The following CEP128 variants were observed in gnomAD, a reference collection of about 807,000 sequenced individuals.
CEP128 encodes centrosomal protein 128.
A neutral mutation model predicts 156.7 loss-of-function variants in CEP128; 132 were observed. The observed-to-expected ratio is 0.84, with a 90% CI of 0.73 to 0.97. The LOEUF is 0.97. Ranked by LOEUF, CEP128 falls within the 50% of genes least tolerant of loss-of-function variation. The pLI is 0.00. For missense variants in CEP128, 1,252 were observed against 1,281.9 expected, an observed-to-expected ratio of 0.98 and a Z score of 0.36; for synonymous variants, 469 against 448.9, an observed-to-expected ratio of 1.04 and a Z score of -0.57.
rs1215123329 is a variant in CEP128, at chr14:80,916,579, G to A, written c.-15-17C>T. The A allele has an allele frequency of 1.5e-5, 24 of 1,570,962 alleles. No homozygotes were observed. The highest frequency in any genetic ancestry group is 4.6e-5 in the East Asian group (2 of 43,638). ...ACACAAATCCTTTTAAATAAATATA[G>A]GTCAAAGTTAATGAAACAGTAAAAA... On this transcript the variant is annotated splice_polypyrimidine_tract_variant and intron_variant, in intron 2 of 24. Transcript: ENST00000555265.
intron 18 of CEP128, among the ~76,000 whole-genome samples, chr14:80,750,593 A>G (rs1899341222): frequency 6.6e-6 from 1 of 152,164 alleles, no homozygotes; most frequent in Non-Finnish European, 1.5e-5. Context: ...TTAAAAAATC[A>G]CTTCACGTTG....
chr14:80,546,678 A>G lies in CEP128; in HGVS notation c.2880+12601T>C, dbSNP rs142016616. On this transcript the variant is annotated intron_variant, in intron 21 of 24. Transcript: ENST00000555265. ...GTTAATGCCTGATAGCAATCAACCA[A>G]CCATGTCAAGGCCTCTGCTGTGATA... 6.4e-4 allele frequency among the ~76,000 whole-genome samples: 98 copies of G among 152,326 alleles called. 2 individuals are homozygous for G. In the East Asian group the frequency reaches 0.017, roughly 26 times the overall value.
downstream of CEP128, among the ~76,000 whole-genome samples, chr14:80,489,170 A>G (rs373396529): frequency 6.6e-6 from 1 of 151,830 alleles, no homozygotes; most frequent in East Asian, 1.9e-4. Flanking sequence ...TGCAAATAAA[A>G]CACCAAGCAA....
chr14:80,752,442 A>T (rs985645457), intron 18 of CEP128, among the ~76,000 whole-genome samples: 5 of 152,248 alleles, frequency 3.3e-5, no homozygotes, highest in African/African-American at 1.2e-4. Flanking sequence ...ACAGCAATAC[A>T]TATACTTTTG....
chr14:80,934,678 T>C (rs555703391), intron 2 of CEP128, among the ~76,000 whole-genome samples: 6 of 152,276 alleles, frequency 3.9e-5, no homozygotes, highest in African/African-American at 1.4e-4. Context: ...GTCCCTTTTT[T>C]GCAAATGAAG....
chr14:80,559,091 AT>A (rs923087799), intron 21 of CEP128, among the ~76,000 whole-genome samples, 187 bp downstream of exon 21: 5 of 151,980 alleles, frequency 3.3e-5, no homozygotes, highest in African/African-American at 9.7e-5. Flanking sequence ...TTTTTATTTA[AT>A]TTTTTTTCAT....
rs779984422 is a variant in CEP128 at position 80,880,908 on chromosome 14, A to AATAATTATTATT, written c.645+14809_645+14810insAATAATAATTAT. On this transcript the variant is annotated intron_variant, in intron 8 of 24. Coordinates refer to ENST00000555265, the MANE Select transcript of CEP128 (RefSeq NM_152446.5). ...TAATAATAATAATAATAATAATAAT[A>AATAATTATTATT]ATTTCAGTAAAGGATACAAAATCAA... 6.0e-5 allele frequency among the ~76,000 whole-genome samples: 8 copies of AATAATTATTATT among 133,650 alleles called. No homozygotes were observed. In the East Asian group the frequency reaches 1.2e-3, roughly 21 times the overall value. The allele number at this position is 133,650 out of a possible 152,430, so 87.7% of individuals were successfully genotyped here. A position where few individuals can be genotyped will look rare whatever the true frequency, so the allele number is the denominator to read the frequency against.
At position 80,836,219 on chromosome 14, in the gene CEP128, C is replaced by T; in HGVS notation, c.1043G>A (p.Trp348Ter). ...TCTACTTTTACCTCTCCTAAATCTC[C>T]AGTCCTCCCCTTGTTCATCCTGATA... ...SNYQDEQGED[W>*]RFRRGVEREK... The change falls in exon 12 of 25, where the codon TGG becomes TAG. Residue 348 changes from tryptophan (W) to a stop codon, truncating the protein, a stop_gained. Transcript: ENST00000555265. LOFTEE classifies it high-confidence loss of function. 6.2e-7 allele frequency: 1 copy of T among 1,613,942 alleles called. No individual in the cohort carries two copies. Among genetic ancestry groups the T allele is most frequent in the Non-Finnish European group, 8.5e-7 (1 of 1,179,882 alleles).
intron 21 of CEP128, among the ~76,000 whole-genome samples, chr14:80,557,779 A>G (rs938944845): frequency 1.3e-5 from 2 of 152,150 alleles, no homozygotes; most frequent in Non-Finnish European, 1.5e-5. Context: ...ATACTCACAA[A>G]TAAACATTTC....
chr14:80,705,436 T>C (rs185061519), intron 19 of CEP128, among the ~76,000 whole-genome samples: 14 of 152,194 alleles, frequency 9.2e-5, no homozygotes, highest in Admixed American at 4.6e-4. Context: ...TTTGTGTGTA[T>C]AGGTGAGAGA....
At chr14:80,742,832 T>C (rs1898901049) in intron 19 of CEP128, 7 of 464,722 alleles carry the variant, frequency 1.5e-5, no homozygotes, top group Non-Finnish European at 2.7e-5. Flanking sequence ...GTATGTCTTA[T>C]CAATTAATTC....
intron 19 of CEP128, among the ~76,000 whole-genome samples, chr14:80,692,339 T>C (rs1896747496): frequency 6.6e-6 from 1 of 152,216 alleles, no homozygotes; most frequent in Non-Finnish European, 1.5e-5. Context: ...GTCATCTCTA[T>C]ATTAGCTTAC....
At chr14:80,509,688 A>AT (rs1888153069) in intron 23 of CEP128, among the ~76,000 whole-genome samples, 2 of 152,274 alleles carry the variant, frequency 1.3e-5, no homozygotes, top group South Asian at 4.1e-4. Flanking sequence ...CTTCTGGGGT[A>AT]TTCCTCAAAG....
intron 2 of CEP128, among the ~76,000 whole-genome samples, chr14:80,947,180 T>C (rs776005037): frequency 6.6e-6 from 1 of 152,214 alleles, no homozygotes; most frequent in Non-Finnish European, 1.5e-5. Flanking sequence ...AATGGACTAA[T>C]ACAACAGCAC....
chr14:80,751,145 A>C (rs1899369319), intron 18 of CEP128, among the ~76,000 whole-genome samples: 1 of 152,204 alleles, frequency 6.6e-6, no homozygotes, highest in Non-Finnish European at 1.5e-5. Flanking sequence ...ATTACTGTTC[A>C]AGTCATTCAT....
intron 5 of CEP128, 192 bp downstream of exon 5, chr14:80,905,763 A>G: frequency 1.9e-6 from 1 of 514,832 alleles, no homozygotes. Context: ...GAGAAAAAAA[A>G]AAAAACAATA....
At chr14:80,613,686 C>T (rs8014976) in intron 19 of CEP128, among the ~76,000 whole-genome samples, 11,805 of 151,912 alleles carry the variant, frequency 0.078, 548 homozygotes, top group African/African-American at 0.12. Context: ...TGGCCTTTTC[C>T]CCATCTCCCT....
intron 3 of CEP128, among the ~76,000 whole-genome samples, chr14:80,915,582 G>A (rs1441982262): frequency 1.3e-5 from 2 of 152,062 alleles, no homozygotes; most frequent in African/African-American, 4.8e-5. Flanking sequence ...CCCTTTCTAA[G>A]AAAAGGAAGC....
intron 21 of CEP128, among the ~76,000 whole-genome samples, chr14:80,555,070 A>T (rs1330968448): frequency 2.0e-5 from 3 of 152,146 alleles, no homozygotes; most frequent in Non-Finnish European, 2.9e-5. Flanking sequence ...TGATATAAAA[A>T]AATCAAGTCT....
Sources: allele counts gnomAD v4.1 joint callset (sites outside exome capture counted in the v4.1 genomes callset), GRCh38; gene constraint gnomAD v4.1.1; transcripts MANE v1.5; gene names NCBI Gene and HGNC (gene_info 2026-07-23, HGNC 2026-07-21).